The following CACNA1E variants were observed in gnomAD, a reference collection of about 807,000 sequenced individuals.
CACNA1E encodes the protein voltage-dependent R-type calcium channel subunit alpha-1E.
In CACNA1E, 40 loss-of-function variants were observed where a neutral mutation model predicts 259.2. That is an observed-to-expected ratio of 0.15 (90% CI 0.12 to 0.20). CACNA1E has a LOEUF of 0.20. Among genes scored for constraint, CACNA1E ranks in the 10% least tolerant of loss-of-function variants. The probability of loss-of-function intolerance (pLI) is 1.00; values close to 1 mark genes in which losing one functional copy is unlikely to be tolerated. For synonymous variants in CACNA1E, 1,104 were observed against 1,138.5 expected (o/e 0.97, Z 0.61); for missense variants, 1,874 against 3,040.1 (o/e 0.62, Z 9.02).
chr1:181,402,036 A>C (rs1657139324), intron 1 of CACNA1E, among the ~76,000 whole-genome samples: 1 of 152,224 alleles, frequency 6.6e-6, no homozygotes, highest in African/African-American at 2.4e-5. Flanking sequence ...GTGATGATTG[A>C]TGGCCCAGAC....
At position 181,483,692 on chromosome 1, in the gene CACNA1E, G is replaced by A. The variant is rs58365250; in HGVS notation, c.-53G>A. ...TGTCTTTCTGCTTGTTGCTGTGTGC[G>A]GGTGTTCGGCCGCGATCACCTTTGT... is the stretch of plus-strand genomic sequence containing the variant. On this transcript the variant is annotated 5_prime_UTR_variant, in exon 1 of 48. Transcript: ENST00000367573. The A allele has an allele frequency of 4.8e-4, 670 of 1,399,308 alleles. 3 individuals carry two copies. The African/African-American group carries it at 6.7e-3, about 14-fold the overall frequency. The allele number at this position is 1,399,308 out of a possible 1,614,324, so 86.7% of individuals were successfully genotyped here.
At chr1:181,411,598 G>T (rs1657845230) in intron 1 of CACNA1E, among the ~76,000 whole-genome samples, 1 of 152,062 alleles carries the variant, frequency 6.6e-6, no homozygotes, top group South Asian at 2.1e-4. Context: ...CCCCAGCTGG[G>T]CTAGGTGCCC....
intron 7 of CACNA1E, among the ~76,000 whole-genome samples, chr1:181,673,720 G>C (rs921731418): frequency 6.6e-6 from 1 of 152,176 alleles, no homozygotes; most frequent in Non-Finnish European, 1.5e-5. Context: ...ATGGCAGCTA[G>C]AGTCCTGGAA....
intron 9 of CACNA1E, among the ~76,000 whole-genome samples, 153 bp downstream of exon 9, chr1:181,715,544 A>G (rs931337933): frequency 6.6e-6 from 1 of 152,230 alleles, no homozygotes; most frequent in Admixed American, 6.5e-5. Context: ...CATGCTTTAA[A>G]ATGAAGGGAA....
chr1:181,428,751 C>T (rs1377803436), intron 2 of CACNA1E, among the ~76,000 whole-genome samples: 1 of 152,142 alleles, frequency 6.6e-6, no homozygotes, highest in Admixed American at 6.5e-5. Context: ...GGAGGACTGA[C>T]CCCAGGAAGA....
chr1:181,785,397 G>A lies in CACNA1E; in HGVS notation c.5658G>A (p.Gln1886=), dbSNP rs1300981443. 1.9e-6 allele frequency: 3 copies of A among 1,612,180 alleles called. No homozygotes were observed. Among genetic ancestry groups the A allele is most frequent in the Non-Finnish European group, 2.5e-6 (3 of 1,178,536 alleles). The change falls in exon 42 of 48, where the codon CAG becomes CAA. Residue 1886 remains glutamine, a synonymous_variant. Transcript: ENST00000367573. The stretch of plus-strand genomic sequence containing the variant: ...ATAAGCAGAGTAAGGTGAAGAAGCA[G>A]AGGCAGCAGCTGGAGGAACAGGTGA... ...DYYKQSKVKK[Q]RQQLEEQKNA... is the part of the protein sequence containing the mutation.
At chr1:181,534,662 A>T (rs189860798) in intron 3 of CACNA1E, among the ~76,000 whole-genome samples, 2 of 152,224 alleles carry the variant, frequency 1.3e-5, no homozygotes, top group African/African-American at 4.8e-5. Flanking sequence ...AAATAAAAAT[A>T]AAAAATAAGA....
intron 2 of CACNA1E, among the ~76,000 whole-genome samples, chr1:181,428,797 C>A (rs1484593254): frequency 6.6e-6 from 1 of 152,190 alleles, no homozygotes; most frequent in Admixed American, 6.5e-5. Flanking sequence ...ACCCATGGCC[C>A]TCTTTCATAA....
chr1:181,323,305 C>A (rs931643750), intron 1 of CACNA1E, among the ~76,000 whole-genome samples: 1 of 152,270 alleles, frequency 6.6e-6, no homozygotes, highest in South Asian at 2.1e-4. Flanking sequence ...TTTCTTTTAT[C>A]AAATTATATA....
intron 7 of CACNA1E, among the ~76,000 whole-genome samples, chr1:181,688,038 A>G (rs947382264): frequency 6.6e-6 from 1 of 152,174 alleles, no homozygotes; most frequent in Admixed American, 6.5e-5. Context: ...TATACACAAA[A>G]GAATATATAT....
chr1:181,635,109 T>G (rs1657090298), intron 6 of CACNA1E, among the ~76,000 whole-genome samples: 1 of 152,260 alleles, frequency 6.6e-6, no homozygotes, highest in African/African-American at 2.4e-5. Context: ...CTTCTACCTT[T>G]ATGCTATGAA....
intron 7 of CACNA1E, among the ~76,000 whole-genome samples, chr1:181,653,645 C>A (rs966713718): frequency 1.3e-5 from 2 of 152,202 alleles, no homozygotes; most frequent in African/African-American, 4.8e-5. Context: ...TGGCTTATAG[C>A]CACGTCACTG....
intron 1 of CACNA1E, among the ~76,000 whole-genome samples, chr1:181,374,644 C>T (rs1405575204): frequency 1.3e-5 from 2 of 151,886 alleles, no homozygotes; most frequent in Non-Finnish European, 2.9e-5. Flanking sequence ...AAAAATTTTG[C>T]TTTTTAGAGA....
At chr1:181,721,898 C>G (rs368027418) in intron 16 of CACNA1E, 23 bp downstream of exon 16, 2 of 1,398,794 alleles carry the variant, frequency 1.4e-6, no homozygotes, top group African/African-American at 2.8e-5. Context: ...AGATGCACCT[C>G]CTCAAGCTGC....
chr1:181,441,701 C>T (rs894191246), intron 2 of CACNA1E, among the ~76,000 whole-genome samples: 3 of 152,152 alleles, frequency 2.0e-5, no homozygotes, highest in African/African-American at 4.8e-5. Context: ...ATTTATCAAG[C>T]GCCGCCTCTG....
chr1:181,455,917 A>G (rs1340448963), intron 2 of CACNA1E, among the ~76,000 whole-genome samples: 1 of 152,204 alleles, frequency 6.6e-6, no homozygotes, highest in African/African-American at 2.4e-5. Flanking sequence ...AGAAGGCTCA[A>G]CAGGATGCAT....
chr1:181,405,404 G>T (rs948358259), intron 1 of CACNA1E, among the ~76,000 whole-genome samples: 2 of 152,216 alleles, frequency 1.3e-5, no homozygotes, highest in African/African-American at 2.4e-5. Flanking sequence ...CTGGAAGTTA[G>T]CCCCTAGCCC....
chr1:181,761,585 G>C (rs1192898945), intron 32 of CACNA1E, among the ~76,000 whole-genome samples: 1 of 152,118 alleles, frequency 6.6e-6, no homozygotes, highest in Admixed American at 6.6e-5. Flanking sequence ...ATCAATTACA[G>C]GTGTTTGAAA....
intron 1 of CACNA1E, among the ~76,000 whole-genome samples, chr1:181,378,234 A>C (rs1348881834): frequency 6.6e-6 from 1 of 152,236 alleles, no homozygotes; most frequent in Non-Finnish European, 1.5e-5. Context: ...ATGGAGCAAA[A>C]AGGACCATAT....
Sources: gnomAD v4.1 joint callset for allele counts (sites outside exome capture counted in the v4.1 genomes callset) on GRCh38, gnomAD v4.1.1 for gene constraint, MANE v1.5 for transcripts, NCBI Gene and HGNC (gene_info 2026-07-23, HGNC 2026-07-21) for gene names.